Variants in DNAH10 observed in about 807,000 individuals in gnomAD.
DNAH10 encodes the protein dynein axonemal heavy chain 10, also known as axonemal beta dynein heavy chain 10.
In DNAH10, 348 loss-of-function variants were observed where a neutral mutation model predicts 506.6. The observed-to-expected ratio is 0.69, with a 90% CI of 0.63 to 0.75. The LOEUF is 0.75. Ranked by LOEUF, DNAH10 falls within the 30% of genes least tolerant of loss-of-function variation. The probability of loss-of-function intolerance (pLI) is 0.00; values close to 1 mark genes in which losing one functional copy is unlikely to be tolerated. For synonymous variants in DNAH10, 2,059 were observed against 2,198.6 expected, an observed-to-expected ratio of 0.94 and a Z score of 1.78; for missense variants, 5,179 against 5,787.1, an observed-to-expected ratio of 0.89 and a Z score of 3.41.
chr12:123,928,467 G>T lies in DNAH10; in HGVS notation c.12186G>T (p.Trp4062Cys). The T allele has an allele frequency of 6.2e-7, 1 of 1,610,412 alleles. No homozygotes were observed. The highest frequency in any genetic ancestry group is 8.5e-7 in the Non-Finnish European group (1 of 1,178,584). The change falls in exon 70 of 79, where the codon TGG becomes TGT. Residue 4062 changes from tryptophan (W) to cysteine (C), a missense_variant. Around this residue, in one of 3 missense-constraint regions of DNAH10, gnomAD observed 4,844 missense variants for 5,430.5 expected, o/e 0.89. Coordinates refer to ENST00000673944, the MANE Select transcript of DNAH10 (RefSeq NM_001372106.1). This position sits in a 1 kb window ranked among gnomAD's most constrained non-coding sequence, Gnocchi z 4.9. ...AGAACTGCCACCTCCTGGTCAAGTG[G>T]CTGAAAGATCTGGAGAAGTCCCTGG... ...MLQNCHLLVK[W>C]LKDLEKSLER...
intron 1 of DNAH10, among the ~76,000 whole-genome samples, chr12:123,764,050 G>C (rs1350265439): frequency 6.6e-6 from 1 of 151,536 alleles, no homozygotes; most frequent in Non-Finnish European, 1.5e-5. Context: ...ATTTCTAGTA[G>C]AGACAGGGTT....
intron 12 of DNAH10, among the ~76,000 whole-genome samples, chr12:123,796,416 C>T (rs886773469): frequency 1.3e-5 from 2 of 152,146 alleles, no homozygotes; most frequent in East Asian, 3.8e-4. Context: ...GAGATCATGC[C>T]ACTGCACTCC....
rs891508204 is a variant in DNAH10, at chr12:123,794,823, G to A, written c.1986+711G>A. On this transcript the variant is annotated intron_variant, in intron 12 of 78. Transcript: ENST00000673944. ...GATCTTGCCACTGTACTCCAGCCTG[G>A]GCAACAGAGTGAAACCCTGTCTAAA... 2.0e-5 allele frequency among the ~76,000 whole-genome samples: 3 copies of A among 149,712 alleles called. No homozygotes were observed. In the Admixed American group the frequency reaches 2.0e-4, roughly 10 times the overall value.
intron 55 of DNAH10, 37 bp from the exon 56 acceptor site, chr12:123,898,616 C>T (rs1953366029): frequency 2.0e-6 from 3 of 1,466,092 alleles, no homozygotes; most frequent in South Asian, 1.4e-5. Context: ...GAACAGTGGC[C>T]ACCTCGACGA....
At chr12:123,808,290 C>T (rs1293180343) in intron 18 of DNAH10, among the ~76,000 whole-genome samples, 1 of 152,144 alleles carries the variant, frequency 6.6e-6, no homozygotes. Flanking sequence ...CTCAGCCTCC[C>T]AAAGTACTGG....
Position 123,909,513 on chromosome 12 carries a change from T to C in DNAH10, c.9997+71T>C, listed in dbSNP as rs752672210. 26 of 1,480,406 alleles carry C rather than the reference T, an allele frequency of 1.8e-5. No individual in the cohort carries two copies. The highest frequency in any genetic ancestry group is 2.3e-5 in the Non-Finnish European group (25 of 1,109,950). The allele number at this position is 1,480,406 out of a possible 1,614,324, so 91.7% of individuals were successfully genotyped here. On this transcript the variant is annotated intron_variant, in intron 58 of 78. Coordinates refer to ENST00000673944, the MANE Select transcript of DNAH10 (RefSeq NM_001372106.1). This position sits in a 1 kb window ranked among gnomAD's most constrained non-coding sequence, Gnocchi z 5.4. ...GGCATCTCAGGCTCTGGGACAGGGA[T>C]GGAGGGCAAGGAGGCTTGTCGTGGG...
At chr12:123,799,079 T>TGGGC (rs1254270897) in intron 13 of DNAH10, among the ~76,000 whole-genome samples, 167 bp from the exon 14 acceptor site, 3 of 140,534 alleles carry the variant, frequency 2.1e-5, no homozygotes, top group African/African-American at 5.3e-5. Flanking sequence ...CACTCCAGCC[T>TGGGC]GGGCGACAGA....
intron 13 of DNAH10, among the ~76,000 whole-genome samples, chr12:123,797,738 C>T (rs1467141716): frequency 6.6e-6 from 1 of 152,204 alleles, no homozygotes; most frequent in Non-Finnish European, 1.5e-5. Flanking sequence ...AAGACATCTT[C>T]CAGAATGTGG....
At position 123,916,029 on chromosome 12, in the gene DNAH10, CA is replaced by C. The variant is rs1954462894; in HGVS notation, c.10723-426del. On this transcript the variant is annotated intron_variant, in intron 62 of 78. Transcript: ENST00000673944. This position sits in a 1 kb window ranked among gnomAD's most constrained non-coding sequence, Gnocchi z 4.6. Reference sequence around the variant, plus strand: ...TGTTAGAGGAAGCCCATTTGTACTCCAAGGTCAGGGGAACAGTCTGCCTCCA... The same window carrying C: ...TGTTAGAGGAAGCCCATTTGTACTCCAGGTCAGGGGAACAGTCTGCCTCCA... Among the ~76,000 whole-genome samples, 1 of 152,166 alleles carries C rather than the reference CA, an allele frequency of 6.6e-6. No individual in the cohort carries two copies. Among genetic ancestry groups the C allele is most frequent in the African/African-American group, 2.4e-5 (1 of 41,430 alleles).
intron 12 of DNAH10, among the ~76,000 whole-genome samples, chr12:123,795,167 A>G (rs1426676490): frequency 2.6e-5 from 4 of 151,880 alleles, no homozygotes; most frequent in Non-Finnish European, 4.4e-5. Flanking sequence ...AAAAAAGAAA[A>G]AAGAAAAAAA....
chr12:123,856,093 T>C (rs939959704), intron 36 of DNAH10, among the ~76,000 whole-genome samples: 3 of 147,628 alleles, frequency 2.0e-5, no homozygotes, highest in Middle Eastern at 7.2e-3. Flanking sequence ...ATACATATTT[T>C]ATACTATATA....
intron 57 of DNAH10, among the ~76,000 whole-genome samples, chr12:123,904,382 C>T (rs866487874): frequency 5.3e-5 from 8 of 152,206 alleles, no homozygotes; most frequent in Middle Eastern, 3.4e-3. Context: ...TTCTAGCTAC[C>T]GGTGATAGGA....
chr12:123,932,063 C>G lies in DNAH10; in HGVS notation c.13251C>G (p.Asn4417Lys), dbSNP rs925804697. 3.1e-5 allele frequency: 50 copies of G among 1,613,888 alleles called. No individual in the cohort carries two copies. Among genetic ancestry groups the G allele is most frequent in the Non-Finnish European group, 4.0e-5 (47 of 1,179,904 alleles). The part of the protein sequence containing the change: ...LAPDTLKSLG[N>K]WMVYFLRRFS... The stretch of plus-strand genomic sequence containing the variant: ...CTGACACCTTAAAGTCCCTTGGAAA[C>G]TGGATGGTCTACTTCCTGCGGCGGT... Residue 4417 changes from asparagine to lysine, a missense_variant, in exon 76 of 79, where the codon AAC becomes AAG. Asn to Lys is a moderately conservative substitution (Grantham distance 94). Around this residue, in one of 3 missense-constraint regions of DNAH10, gnomAD observed 4,844 missense variants for 5,430.5 expected, o/e 0.89. Transcript: ENST00000673944.
At chr12:123,933,829 G>T (rs915676105) in intron 77 of DNAH10, among the ~76,000 whole-genome samples, 2 of 152,174 alleles carry the variant, frequency 1.3e-5, no homozygotes, top group Admixed American at 1.3e-4. Context: ...AAACCATCAG[G>T]TGGCTTTCTT....
Position 123,838,644 on chromosome 12 carries a change from T to C in DNAH10, c.5091T>C (p.Ile1697=). 6.2e-7 allele frequency: 1 copy of C among 1,613,984 alleles called. No individual in the cohort carries two copies. Among genetic ancestry groups the C allele is most frequent in the South Asian group, 1.1e-5 (1 of 91,088 alleles). The change falls in exon 29 of 79, where the codon ATT becomes ATC. Residue 1697 remains isoleucine, a synonymous_variant. Transcript: ENST00000673944. The part of the protein sequence containing the change: ...FFISDDELLS[I]LGSSDPLCVQ... Reference sequence around the variant, plus strand: ...TTTCTGACGATGAGTTGCTTAGCATTCTGGGGAGCAGCGACCCACTCTGCG... The same window carrying C: ...TTTCTGACGATGAGTTGCTTAGCATCCTGGGGAGCAGCGACCCACTCTGCG...
intron 21 of DNAH10, among the ~76,000 whole-genome samples, chr12:123,818,480 C>T (rs576404597): frequency 7.2e-5 from 11 of 152,010 alleles, no homozygotes; most frequent in African/African-American, 2.7e-4. Flanking sequence ...CCTGCCACCA[C>T]GCCTGGCTAA....
At chr12:123,830,458 G>T in intron 25 of DNAH10, 88 bp from the exon 26 acceptor site, 1 of 1,374,882 alleles carries the variant, frequency 7.3e-7, no homozygotes, top group South Asian at 1.5e-5. Flanking sequence ...TTTACAAAAT[G>T]AGATTTGTCC....
At position 123,762,436 on chromosome 12, in the gene DNAH10, G is replaced by C; in HGVS notation, c.100G>C (p.Gly34Arg). 2 of 1,439,274 alleles carry C rather than the reference G, an allele frequency of 1.4e-6. No homozygotes were observed. The highest frequency in any genetic ancestry group is 1.8e-6 in the Non-Finnish European group (2 of 1,088,854). The allele number at this position is 1,439,274 out of a possible 1,614,324, so 89.2% of individuals were successfully genotyped here. ...LFEDLLNRDD[G>R]QGEDLILHFL... ...CGAGGACCTGCTCAACCGCGACGACGGCCAGGGCGAGGACCTCATCTTGCA... is the reference window on the plus strand; with the variant it reads ...CGAGGACCTGCTCAACCGCGACGACCGCCAGGGCGAGGACCTCATCTTGCA... The change falls in exon 1 of 79, where the codon GGC (glycine) becomes CGC (arginine). Residue 34 changes from glycine to arginine, a missense_variant. Transcript: ENST00000673944. This position sits in a 1 kb window ranked among gnomAD's most constrained non-coding sequence, Gnocchi z 5.0.
At position 123,913,103 on chromosome 12, in the gene DNAH10, C is replaced by G. The variant is rs771390745; in HGVS notation, c.10140C>G (p.Ala3380=). 2.5e-6 allele frequency: 4 copies of G among 1,608,332 alleles called. No individual in the cohort carries two copies. In the East Asian group the frequency reaches 8.9e-5, roughly 36 times the overall value. Residue 3380 remains alanine (A), a synonymous_variant, in exon 60 of 79, where the codon GCC becomes GCG. Transcript: ENST00000673944. This position sits in a 1 kb window ranked among gnomAD's most constrained non-coding sequence, Gnocchi z 5.1. The part of the protein sequence containing the change: ...REIKPKREKV[A]RLERNFYLTK... ...TGCAAATTGTCTTCACTTAGGTGGC[C>G]AGGCTGGAGCGGAATTTTTACCTCA... is the stretch of plus-strand genomic sequence containing the variant.
Sources: gnomAD v4.1 joint callset for allele counts (sites outside exome capture counted in the v4.1 genomes callset) on GRCh38, gnomAD v4.1.1 for gene constraint, gnomAD v4.1.1 regional missense constraint, Gnocchi (gnomAD v3.1) non-coding constraint, MANE v1.5 for transcripts, NCBI Gene and HGNC (gene_info 2026-07-23, HGNC 2026-07-21) for gene names.